CRMP1: variants seen among roughly 807,000 people sequenced by gnomAD.
The protein encoded by CRMP1 is dihydropyrimidinase-related protein 1.
Under a neutral mutation model 68.3 loss-of-function variants are expected in CRMP1, and 19 were observed. The observed-to-expected ratio is 0.28, with a 90% CI of 0.19 to 0.41. The LOEUF is 0.41. Ranked by LOEUF, CRMP1 falls within the 10% of genes least tolerant of loss-of-function variation. CRMP1 has a pLI of 1.00. For synonymous variants in CRMP1, 439 were observed against 399.6 expected (o/e 1.10, Z -1.18); for missense variants, 791 against 967.4 (o/e 0.82, Z 2.42).
rs1329576475 is a variant in CRMP1 at position 5,889,002 on chromosome 4, T to A, written c.381+3587A>T. Among the ~76,000 whole-genome samples the A allele has an allele frequency of 3.3e-5, 5 of 151,922 alleles. No individual in the cohort carries two copies. The highest frequency in any genetic ancestry group is 7.4e-5 in the Non-Finnish European group (5 of 67,958). On this transcript the variant is annotated intron_variant, in intron 1 of 13. Coordinates refer to ENST00000324989, the MANE Select transcript of CRMP1 (RefSeq NM_001014809.3). This position sits in a 1 kb window ranked among gnomAD's most constrained non-coding sequence, Gnocchi z 4.5. ...GAATGCACCAAGCACTTTTTCCATCTCGGACCCCAAGCCTTTATTCACGCT... is the reference window on the plus strand; with the variant it reads ...GAATGCACCAAGCACTTTTTCCATCACGGACCCCAAGCCTTTATTCACGCT...
chr4:5,843,195 A>AG lies in CRMP1; in HGVS notation c.964-35dup, dbSNP rs762294262. On this transcript the variant is annotated intron_variant, in intron 6 of 13. Transcript: ENST00000324989. This position sits in a 1 kb window ranked among gnomAD's most constrained non-coding sequence, Gnocchi z 4.1. Reference sequence around the variant, plus strand: ...CAAGAACAAGTGAGTTAACGATTAGAGGGTGTCAGAGCTGGGAGAAGTGAC... The same window carrying AG: ...CAAGAACAAGTGAGTTAACGATTAGAGGGGTGTCAGAGCTGGGAGAAGTGAC... 9.9e-6 allele frequency: 16 copies of AG among 1,611,164 alleles called. No homozygotes were observed. In the Admixed American group the frequency reaches 2.7e-4, roughly 27 times the overall value.
rs1184201352 is a variant in CRMP1 at position 5,825,947 on chromosome 4, C to T, written c.1804-288G>A. 4.3e-6 allele frequency: 2 copies of T among 460,032 alleles called. No individual in the cohort carries two copies. The highest frequency in any genetic ancestry group is 4.1e-5 in the African/African-American group (2 of 48,474). 28.5% of individuals were successfully genotyped at this position (460,032 alleles called of 1,614,324 possible). A position where few individuals can be genotyped will look rare whatever the true frequency, so the allele number is the denominator to read the frequency against. On this transcript the variant is annotated intron_variant, in intron 12 of 13. Coordinates refer to ENST00000324989, the MANE Select transcript of CRMP1 (RefSeq NM_001014809.3). This position sits in a 1 kb window ranked among gnomAD's most constrained non-coding sequence, Gnocchi z 4.4. ...ACTCACATACATGCAGTCATGCACACATATATGCATGCACATGCAGTAACA... is the reference window on the plus strand; with the variant it reads ...ACTCACATACATGCAGTCATGCACATATATATGCATGCACATGCAGTAACA...
rs115762131 is a variant in CRMP1 at position 5,881,180 on chromosome 4, A to G, written c.381+11409T>C. 3.4e-3 allele frequency among the ~76,000 whole-genome samples: 523 copies of G among 152,278 alleles called. 5 individuals are homozygous for G. The highest frequency in any genetic ancestry group is 0.012 in the African/African-American group (503 of 41,558). ...AAGGAGTGGGGAACTACAACCTCATATATCCACAAACATTGCTTTCTTCCT... is the reference window on the plus strand; with the variant it reads ...AAGGAGTGGGGAACTACAACCTCATGTATCCACAAACATTGCTTTCTTCCT... On this transcript the variant is annotated intron_variant, in intron 1 of 13. Coordinates refer to ENST00000324989, the MANE Select transcript of CRMP1 (RefSeq NM_001014809.3). This position sits in a 1 kb window ranked among gnomAD's most constrained non-coding sequence, Gnocchi z 4.6.
chr4:5,853,650 A>C lies in CRMP1; in HGVS notation c.821-2181T>G, dbSNP rs1401084977. ...AGGGGATATCCCCACTCCCGTGTTC[A>C]TTGAGGCATTGTTTATAACAGCCAA... On this transcript the variant is annotated intron_variant, in intron 4 of 13. Transcript: ENST00000324989. This position sits in a 1 kb window ranked among gnomAD's most constrained non-coding sequence, Gnocchi z 4.7. Among the ~76,000 whole-genome samples the C allele has an allele frequency of 6.6e-6, 1 of 152,262 alleles. No individual in the cohort carries two copies. The highest frequency in any genetic ancestry group is 1.5e-5 in the Non-Finnish European group (1 of 68,046).
At chr4:5,864,223 G>C (rs554854942) in intron 2 of CRMP1, among the ~76,000 whole-genome samples, 1 of 152,238 alleles carries the variant, frequency 6.6e-6, no homozygotes, top group African/African-American at 2.4e-5. Flanking sequence ...ACGGGGGTGG[G>C]TGTGGTCAGA....
At chr4:5,851,802 G>A (rs769427140) in intron 4 of CRMP1, among the ~76,000 whole-genome samples, 12 of 150,078 alleles carry the variant, frequency 8.0e-5, no homozygotes, top group South Asian at 2.2e-4. Flanking sequence ...GGAAGAGGAA[G>A]AGGAGGAAAA....
rs2152474847 is a variant in CRMP1 at position 5,881,869 on chromosome 4, T to C, written c.381+10720A>G. ...AAATAGCTTGCATTTTTCTGTCTTCTACCAATACCTTTTGTACATGGGCCC... is the reference window on the plus strand; with the variant it reads ...AAATAGCTTGCATTTTTCTGTCTTCCACCAATACCTTTTGTACATGGGCCC... On this transcript the variant is annotated intron_variant, in intron 1 of 13. Transcript: ENST00000324989. The surrounding 1 kb of genome is among the most constrained non-coding windows in gnomAD (Gnocchi z 4.6). Among the ~76,000 whole-genome samples the C allele has an allele frequency of 6.6e-6, 1 of 152,310 alleles. No individual in the cohort carries two copies. The highest frequency in any genetic ancestry group is 6.5e-5 in the Admixed American group (1 of 15,298).
At chr4:5,833,149 C>A (rs904206898) in intron 11 of CRMP1, among the ~76,000 whole-genome samples, 2 of 138,686 alleles carry the variant, frequency 1.4e-5, no homozygotes, top group Non-Finnish European at 3.1e-5. Flanking sequence ...TCAACTTCTA[C>A]CTTCCAGAAC....
chr4:5,846,029 C>T (rs1004821593), intron 6 of CRMP1, among the ~76,000 whole-genome samples: 2 of 152,162 alleles, frequency 1.3e-5, no homozygotes, highest in Non-Finnish European at 2.9e-5. Flanking sequence ...GGCATGGTGG[C>T]TCACACCTGT....
At chr4:5,846,486 G>A (rs908089573) in intron 6 of CRMP1, among the ~76,000 whole-genome samples, 3 of 152,226 alleles carry the variant, frequency 2.0e-5, no homozygotes, top group South Asian at 2.1e-4. Context: ...GAACCCCAGC[G>A]AGATTCACAG....
intron 1 of CRMP1, among the ~76,000 whole-genome samples, chr4:5,868,538 T>C (rs183658003): frequency 6.6e-6 from 1 of 151,990 alleles, no homozygotes; most frequent in Non-Finnish European, 1.5e-5. Flanking sequence ...CCCGACCTCA[T>C]GATCTGCCTG....
Position 5,891,187 on chromosome 4 carries a change from C to CAGACACACAG in CRMP1, c.381+1401_381+1402insCTGTGTGTCT, listed in dbSNP as rs770318663. The stretch of plus-strand genomic sequence containing the variant: ...CACCACACACACATACACACACACA[C>CAGACACACAG]ACACACACACACACACACACACACA... On this transcript the variant is annotated intron_variant, in intron 1 of 13. Transcript: ENST00000324989. This position sits in a 1 kb window ranked among gnomAD's most constrained non-coding sequence, Gnocchi z 5.2. 6.7e-6 allele frequency among the ~76,000 whole-genome samples: 1 copy of CAGACACACAG among 150,196 alleles called. No individual in the cohort carries two copies. Among genetic ancestry groups the CAGACACACAG allele is most frequent in the Non-Finnish European group, 1.5e-5 (1 of 67,510 alleles).
Position 5,825,390 on chromosome 4 carries a change from C to T in CRMP1, c.1969+104G>A, listed in dbSNP as rs1719388433. Reference sequence around the variant, plus strand: ...GGGCACACTCCCTTCCCTGCTTCTTCATCTAGTGTCCAAGGCCACGTGTCC... The same window carrying T: ...GGGCACACTCCCTTCCCTGCTTCTTTATCTAGTGTCCAAGGCCACGTGTCC... On this transcript the variant is annotated intron_variant, in intron 13 of 13. Coordinates refer to ENST00000324989, the MANE Select transcript of CRMP1 (RefSeq NM_001014809.3). The surrounding 1 kb of genome is among the most constrained non-coding windows in gnomAD (Gnocchi z 4.4). 11 of 1,469,038 alleles carry T rather than the reference C, an allele frequency of 7.5e-6. No individual in the cohort carries two copies. Among genetic ancestry groups the T allele is most frequent in the Non-Finnish European group, 8.9e-6 (10 of 1,117,372 alleles). 91.0% of individuals were successfully genotyped at this position (1,469,038 alleles called of 1,614,324 possible).
At chr4:5,846,008 C>T (rs1455134469) in intron 6 of CRMP1, among the ~76,000 whole-genome samples, 2 of 152,112 alleles carry the variant, frequency 1.3e-5, no homozygotes, top group African/African-American at 4.8e-5. Context: ...AAATAGGGAC[C>T]TTTTAGGCTG....
chr4:5,868,034 A>C (rs1221302730), intron 1 of CRMP1, among the ~76,000 whole-genome samples: 5 of 151,844 alleles, frequency 3.3e-5, no homozygotes, highest in African/African-American at 1.2e-4. Flanking sequence ...CTAGGCTTTC[A>C]ACCCTCTTCT....
In CRMP1 at chr4:5,889,640, G is replaced by A. The variant is rs1435916500; in HGVS notation, c.381+2949C>T. ...AAACACCAACCTTGTCCACCACTTCGTTGTTCATTTTCTGCATGCGAAATC... is the reference window on the plus strand; with the variant it reads ...AAACACCAACCTTGTCCACCACTTCATTGTTCATTTTCTGCATGCGAAATC... On this transcript the variant is annotated intron_variant, in intron 1 of 13. Transcript: ENST00000324989. The surrounding 1 kb of genome is among the most constrained non-coding windows in gnomAD (Gnocchi z 4.5). The A allele has an allele frequency of 2.6e-6, 4 of 1,536,154 alleles. No homozygotes were observed. The highest frequency in any genetic ancestry group is 1.7e-4 in the Middle Eastern group (1 of 5,990).
At chr4:5,875,291 C>A (rs566249707) in intron 1 of CRMP1, among the ~76,000 whole-genome samples, 2 of 151,780 alleles carry the variant, frequency 1.3e-5, no homozygotes, top group African/African-American at 4.8e-5. Context: ...GGCATTAAAC[C>A]TCCCCGGGTT....
At chr4:5,839,449 A>T (rs1560493568) in intron 9 of CRMP1, 73 bp downstream of exon 9, 7 of 1,529,424 alleles carry the variant, frequency 4.6e-6, no homozygotes, top group Non-Finnish European at 4.4e-6. Flanking sequence ...CAGCCTGCGG[A>T]TTCCCACCAT....
At chr4:5,851,921 AGAG>A (rs1332636491) in intron 4 of CRMP1, among the ~76,000 whole-genome samples, 2 of 142,932 alleles carry the variant, frequency 1.4e-5, no homozygotes, top group African/African-American at 2.7e-5. Flanking sequence ...GAGAAGGAGA[AGAG>A]GAAGAGGAGG....
Sources: allele counts gnomAD v4.1 joint callset (sites outside exome capture counted in the v4.1 genomes callset), GRCh38; gene constraint gnomAD v4.1.1; non-coding constraint Gnocchi (gnomAD v3.1); transcripts MANE v1.5; gene names NCBI Gene and HGNC (gene_info 2026-07-23, HGNC 2026-07-21).